The following SWAP70 variants were observed in gnomAD, a reference collection of about 807,000 sequenced individuals.
SWAP70 encodes switching B cell complex subunit SWAP70.
A neutral mutation model predicts 80.2 loss-of-function variants in SWAP70; 34 were observed. The observed-to-expected ratio is 0.42, with a 90% CI of 0.32 to 0.56. The LOEUF is 0.56. Among genes scored for constraint, SWAP70 ranks in the 20% least tolerant of loss-of-function variants. SWAP70 has a pLI of 0.09. For synonymous variants in SWAP70, 239 were observed against 238.5 expected, an observed-to-expected ratio of 1.00 and a Z score of -0.02; for missense variants, 578 against 690.7, an observed-to-expected ratio of 0.84 and a Z score of 1.83.
At chr11:9,697,506 C>T (rs1269685694) in intron 2 of SWAP70, among the ~76,000 whole-genome samples, 2 of 152,114 alleles carry the variant, frequency 1.3e-5, no homozygotes, top group Non-Finnish European at 2.9e-5. Flanking sequence ...TGGTCTTGAA[C>T]TCTTGACCTC....
Position 9,729,378 on chromosome 11 carries a change from T to C in SWAP70, c.825T>C (p.Phe275=). 6.2e-7 allele frequency: 1 copy of C among 1,613,966 alleles called. No homozygotes were observed. The highest frequency in any genetic ancestry group is 8.5e-7 in the Non-Finnish European group (1 of 1,179,934). ...LPDKDGKKCL[F]LVKCFDKTFE... The stretch of plus-strand genomic sequence containing the variant: ...ACAAAGATGGAAAGAAATGCCTTTT[T>C]CTCGTAAAATGTTTTGATAAGACTT... Residue 275 remains phenylalanine, a synonymous_variant, in exon 6 of 12, where the codon TTT becomes TTC. Coordinates refer to ENST00000318950, the MANE Select transcript of SWAP70 (RefSeq NM_015055.4).
chr11:9,727,406 G>A (rs1298187703), intron 4 of SWAP70, among the ~76,000 whole-genome samples: 1 of 151,632 alleles, frequency 6.6e-6, no homozygotes, highest in African/African-American at 2.4e-5. Flanking sequence ...TTTTTTTTTT[G>A]TAGAAATGAA....
At chr11:9,725,812 C>T (rs1407217473) in intron 4 of SWAP70, among the ~76,000 whole-genome samples, 1 of 152,054 alleles carries the variant, frequency 6.6e-6, no homozygotes, top group East Asian at 1.9e-4. Flanking sequence ...CCTTGTGATC[C>T]ACCAGCCTTG....
chr11:9,742,108 C>T (rs962696959), intron 9 of SWAP70, among the ~76,000 whole-genome samples: 3 of 151,846 alleles, frequency 2.0e-5, no homozygotes, highest in African/African-American at 7.3e-5. Context: ...CAAAAAACTC[C>T]AGCTAATTAT....
intron 4 of SWAP70, chr11:9,727,048 T>C (rs1851234042): frequency 2.3e-6 from 1 of 444,298 alleles, no homozygotes; most frequent in South Asian, 1.6e-5. Flanking sequence ...GAGGTTTTAC[T>C]TACCTCAGTC....
intron 2 of SWAP70, among the ~76,000 whole-genome samples, chr11:9,707,254 A>G (rs1292959868): frequency 6.6e-6 from 1 of 152,192 alleles, no homozygotes; most frequent in Non-Finnish European, 1.5e-5. Flanking sequence ...GTACAACAGA[A>G]CTTTAGAACC....
intron 1 of SWAP70, among the ~76,000 whole-genome samples, chr11:9,691,179 G>A (rs360054): frequency 0.89 from 135,866 of 152,276 alleles, 62,007 homozygotes; most frequent in Non-Finnish European, 0.99. Context: ...CAGCCCCCCA[G>A]AGTGCTAGGA....
chr11:9,674,594 G>A (rs1850463148), intron 1 of SWAP70, among the ~76,000 whole-genome samples: 4 of 152,114 alleles, frequency 2.6e-5, no homozygotes, highest in Admixed American at 2.0e-4. Flanking sequence ...CAGCTACTCA[G>A]GAGGAGGAGG....
intron 9 of SWAP70, 180 bp downstream of exon 9, chr11:9,740,527 T>G (rs945721594): frequency 1.5e-6 from 1 of 670,912 alleles, no homozygotes; most frequent in Non-Finnish European, 2.6e-6. Context: ...GTGTTTCTTT[T>G]CATTCTGAGG....
At chr11:9,735,391 C>T (rs1851350431) in intron 7 of SWAP70, among the ~76,000 whole-genome samples, 1 of 152,152 alleles carries the variant, frequency 6.6e-6, no homozygotes, top group Admixed American at 6.5e-5. Flanking sequence ...TGTGTCATTA[C>T]TTAGTCATTC....
chr11:9,726,826 A>T (rs1851231035), intron 4 of SWAP70: 1 of 454,550 alleles, frequency 2.2e-6, no homozygotes, highest in South Asian at 1.6e-5. Context: ...GTGGGAAGGA[A>T]ATACAGAACT....
chr11:9,708,200 T>C (rs931984007), intron 2 of SWAP70, among the ~76,000 whole-genome samples: 10 of 152,180 alleles, frequency 6.6e-5, no homozygotes, highest in African/African-American at 2.4e-4. Context: ...TATTTTTAAC[T>C]TTTTGAGGAA....
rs191223702 is a variant in SWAP70 at position 9,714,246 on chromosome 11, C to T, written c.414+607C>T. The stretch of plus-strand genomic sequence containing the variant: ...AAAATTCAGAAAAGATTAATATACA[C>T]AATTAAAATCAGCTGTAGTCCCCAC... On this transcript the variant is annotated intron_variant, in intron 3 of 11. Coordinates refer to ENST00000318950, the MANE Select transcript of SWAP70 (RefSeq NM_015055.4). Among the ~76,000 whole-genome samples the T allele has an allele frequency of 6.0e-3, 912 of 151,286 alleles. 6 individuals carry two copies. The highest frequency in any genetic ancestry group is 0.021 in the African/African-American group (862 of 41,176).
At chr11:9,701,920 T>C (rs1022206939) in intron 2 of SWAP70, among the ~76,000 whole-genome samples, 1 of 152,208 alleles carries the variant, frequency 6.6e-6, no homozygotes, top group Admixed American at 6.5e-5. Context: ...CTGATTCTCA[T>C]ATTAAGTCTT....
At chr11:9,698,093 G>GT (rs201181416) in intron 2 of SWAP70, among the ~76,000 whole-genome samples, 34,548 of 108,054 alleles carry the variant, frequency 0.32, 8,197 homozygotes, top group Non-Finnish European at 0.43. Flanking sequence ...GCCAATACAT[G>GT]TTTTTTGTTT....
chr11:9,697,099 C>G (rs1479195689), intron 2 of SWAP70, among the ~76,000 whole-genome samples: 2 of 151,808 alleles, frequency 1.3e-5, no homozygotes, highest in African/African-American at 4.8e-5. Context: ...ATTTTTGCAT[C>G]AAACCTAAAT....
At chr11:9,707,968 T>G (rs935333792) in intron 2 of SWAP70, among the ~76,000 whole-genome samples, 2 of 152,186 alleles carry the variant, frequency 1.3e-5, no homozygotes, top group African/African-American at 4.8e-5. Context: ...ACTTCTGAGA[T>G]TTTGGTGCAC....
chr11:9,714,435 G>A (rs1273213872), intron 3 of SWAP70, among the ~76,000 whole-genome samples: 1 of 152,162 alleles, frequency 6.6e-6, no homozygotes, highest in Non-Finnish European at 1.5e-5. Flanking sequence ...CACATAGTAT[G>A]TACTCAGTAA....
intron 1 of SWAP70, among the ~76,000 whole-genome samples, chr11:9,690,385 C>G (rs572760925): frequency 1.3e-5 from 2 of 152,242 alleles, no homozygotes; most frequent in East Asian, 3.9e-4. Context: ...TGAGACCAGT[C>G]TGGCCAACAT....
Sources: allele counts gnomAD v4.1 joint callset (sites outside exome capture counted in the v4.1 genomes callset), GRCh38; gene constraint gnomAD v4.1.1; transcripts MANE v1.5; gene names NCBI Gene and HGNC (gene_info 2026-07-23, HGNC 2026-07-21).